FHIT: variants seen among roughly 807,000 people sequenced by gnomAD.
The protein encoded by FHIT is bis(5'-adenosyl)-triphosphatase.
FHIT carries 19 observed loss-of-function variants against 17.9 expected under a neutral mutation model. That is an observed-to-expected ratio of 1.06 (90% CI 0.74 to 1.56). The LOEUF is 1.56. FHIT is among the 40% of genes most tolerant of loss of function. The probability of loss-of-function intolerance (pLI) is 0.00; values close to 1 mark genes in which losing one functional copy is unlikely to be tolerated. For missense variants in FHIT, 248 were observed against 189.2 expected (o/e 1.31, Z -1.82); for synonymous variants, 81 against 69.7 (o/e 1.16, Z -0.81).
intron 5 of FHIT, among the ~76,000 whole-genome samples, chr3:60,192,926 T>C: frequency 6.6e-6 from 1 of 152,208 alleles, no homozygotes; most frequent in Non-Finnish European, 1.5e-5. Flanking sequence ...AAGTGATTGG[T>C]CTGCCACTTC....
At chr3:60,965,591 T>G (rs1553782979) in intron 3 of FHIT, among the ~76,000 whole-genome samples, 1 of 152,212 alleles carries the variant, frequency 6.6e-6, no homozygotes, top group Admixed American at 6.5e-5. Context: ...TGGTCTTTGA[T>G]GATGGTGACG....
At chr3:60,656,981 C>CAAAA (rs35443634) in intron 4 of FHIT, among the ~76,000 whole-genome samples, 1 of 149,592 alleles carries the variant, frequency 6.7e-6, no homozygotes. Flanking sequence ...TATGTCCACA[C>CAAAA]AAAAAAAAAC....
chr3:61,074,881 G>A (rs2034922968), intron 2 of FHIT, among the ~76,000 whole-genome samples: 2 of 152,116 alleles, frequency 1.3e-5, no homozygotes, highest in African/African-American at 4.8e-5. Flanking sequence ...CCTCCCAGCT[G>A]GCATCCAAGA....
intron 3 of FHIT, among the ~76,000 whole-genome samples, chr3:60,880,294 A>C (rs989553093): frequency 4.6e-5 from 7 of 152,258 alleles, no homozygotes; most frequent in Admixed American, 4.6e-4. Flanking sequence ...TTTAGAAATG[A>C]GGAAGAAATA....
At chr3:60,647,951 G>A (rs2039900041) in intron 4 of FHIT, among the ~76,000 whole-genome samples, 1 of 152,188 alleles carries the variant, frequency 6.6e-6, no homozygotes, top group South Asian at 2.1e-4. Context: ...GAAATACACT[G>A]TGAGTTGAAA....
intron 8 of FHIT, among the ~76,000 whole-genome samples, chr3:59,754,130 G>C (rs775355408): frequency 6.6e-6 from 1 of 152,108 alleles, no homozygotes; most frequent in Non-Finnish European, 1.5e-5. Flanking sequence ...ATTTATTGCA[G>C]CTCAACATTG....
intron 4 of FHIT, among the ~76,000 whole-genome samples, chr3:60,676,620 A>G (rs2040626459): frequency 6.6e-6 from 1 of 152,164 alleles, no homozygotes; most frequent in Non-Finnish European, 1.5e-5. Flanking sequence ...GAGTTACCCA[A>G]CAACTTCATA....
intron 7 of FHIT, among the ~76,000 whole-genome samples, chr3:59,940,036 G>T (rs1030910366): frequency 2.0e-5 from 3 of 152,152 alleles, no homozygotes; most frequent in Non-Finnish European, 4.4e-5. Flanking sequence ...CAGCTTGACA[G>T]CCTGGGCTTA....
chr3:59,751,039 A>G (rs1355670095), intron 9 of FHIT: 1 of 159,618 alleles, frequency 6.3e-6, no homozygotes, highest in Non-Finnish European at 1.2e-5. Flanking sequence ...TAAAAACAAA[A>G]AAGAAACTAT....
At chr3:60,357,337 T>C (rs189109687) in intron 5 of FHIT, among the ~76,000 whole-genome samples, 1 of 152,146 alleles carries the variant, frequency 6.6e-6, no homozygotes, top group South Asian at 2.1e-4. Context: ...CCTCGGCCTC[T>C]TGAGTAGCTG....
intron 3 of FHIT, among the ~76,000 whole-genome samples, chr3:60,927,244 G>C (rs1413947959): frequency 6.6e-6 from 1 of 152,182 alleles, no homozygotes; most frequent in African/African-American, 2.4e-5. Context: ...CCAGTGATCT[G>C]CCCGCCTCGG....
chr3:61,185,804 C>T (rs948423094), intron 2 of FHIT, among the ~76,000 whole-genome samples: 15 of 152,152 alleles, frequency 9.9e-5, no homozygotes, highest in Non-Finnish European at 2.1e-4. Context: ...GGATTATACA[C>T]AATTTCTATT....
chr3:59,875,291 G>A (rs1001475326), intron 8 of FHIT, among the ~76,000 whole-genome samples: 8 of 152,218 alleles, frequency 5.3e-5, no homozygotes, highest in African/African-American at 1.9e-4. Context: ...ACTGCCAGAG[G>A]TGCCAGCTGT....
chr3:60,195,742 G>A (rs1702612501), intron 5 of FHIT, among the ~76,000 whole-genome samples: 1 of 151,178 alleles, frequency 6.6e-6, no homozygotes, highest in Admixed American at 6.6e-5. Flanking sequence ...TCATGGAACT[G>A]GAGGCCATTA....
rs74595367 is a variant in FHIT at position 61,077,485 on chromosome 3, C to A, written c.-163-35386G>T. ...TAAAAAAAACAAACAAACAAACAAA[C>A]AAAAAAAAACAGCCATGCCAGTAGA... On this transcript the variant is annotated intron_variant, in intron 2 of 9. Coordinates refer to ENST00000492590, the MANE Select transcript of FHIT (RefSeq NM_002012.4). Among the ~76,000 whole-genome samples, 298 of 151,410 alleles carry A rather than the reference C, an allele frequency of 2.0e-3. 1 individual carries two copies. The highest frequency in any genetic ancestry group is 4.6e-3 in the African/African-American group (192 of 41,448).
chr3:59,985,060 AG>A (rs1427513919), intron 7 of FHIT, among the ~76,000 whole-genome samples: 1 of 152,120 alleles, frequency 6.6e-6, no homozygotes. Flanking sequence ...CATTTTGTTT[AG>A]GAAACTCTTC....
intron 5 of FHIT, among the ~76,000 whole-genome samples, chr3:60,288,096 C>T (rs1270469162): frequency 6.6e-6 from 1 of 152,166 alleles, no homozygotes; most frequent in Non-Finnish European, 1.5e-5. Context: ...GAAGCTGAAG[C>T]ATCCACCTCA....
chr3:60,980,760 C>T (rs1710459746), intron 3 of FHIT, among the ~76,000 whole-genome samples: 1 of 152,172 alleles, frequency 6.6e-6, no homozygotes, highest in African/African-American at 2.4e-5. Context: ...CTGTAGCCAC[C>T]TGGTAGCCTA....
Position 60,206,171 on chromosome 3 carries a change from A to AATTATTATTATT in FHIT, c.104-192020_104-192019insAATAATAATAAT, listed in dbSNP as rs72133262. Reference sequence around the variant, plus strand: ...AATAAATAATAATAATAATAATAATAATTATAACACTTAAAAATGAGCCCA... The same window carrying AATTATTATTATT: ...AATAAATAATAATAATAATAATAATAATTATTATTATTATTATAACACTTAAAAATGAGCCCA... On this transcript the variant is annotated intron_variant, in intron 5 of 9. Transcript: ENST00000492590. Among the ~76,000 whole-genome samples, 175 of 143,814 alleles carry AATTATTATTATT rather than the reference A, an allele frequency of 1.2e-3. 1 individual carries two copies. Among genetic ancestry groups the AATTATTATTATT allele is most frequent in the Middle Eastern group, 3.6e-3 (1 of 276 alleles). The allele number at this position is 143,814 out of a possible 152,430, so 94.3% of individuals were successfully genotyped here.
Sources: allele counts gnomAD v4.1 joint callset (sites outside exome capture counted in the v4.1 genomes callset), GRCh38; gene constraint gnomAD v4.1.1; transcripts MANE v1.5; gene names NCBI Gene and HGNC (gene_info 2026-07-23, HGNC 2026-07-21).